HSPA4L: variants seen among roughly 807,000 people sequenced by gnomAD.
The protein encoded by HSPA4L is heat shock protein family A (Hsp70) member 4 like.
A neutral mutation model predicts 100.3 loss-of-function variants in HSPA4L; 48 were observed. The ratio of observed to expected loss-of-function variants is 0.48; its 90% CI spans 0.38 to 0.61. HSPA4L has a LOEUF of 0.61. HSPA4L is among the 20% of genes least tolerant of loss of function. The pLI is 0.00. For missense variants in HSPA4L, 886 were observed against 988.6 expected (o/e 0.90, Z 1.39); for synonymous variants, 319 against 328.2 (o/e 0.97, Z 0.30).
At chr4:127,827,797 G>A (rs114859421) in intron 17 of HSPA4L, among the ~76,000 whole-genome samples, 1 of 151,900 alleles carries the variant, frequency 6.6e-6, no homozygotes, top group African/African-American at 2.4e-5. Context: ...GACTCTGCTA[G>A]CCTTTATTTT....
intron 12 of HSPA4L, chr4:127,813,210 T>G: frequency 8.3e-7 from 1 of 1,207,664 alleles, no homozygotes; most frequent in Admixed American, 1.7e-5. Context: ...TTTTGGCGAA[T>G]TACTGGAAGA....
At position 127,801,120 on chromosome 4, in the gene HSPA4L, G is replaced by A. The variant is rs1390716817; in HGVS notation, c.430-18G>A. 18 of 1,563,166 alleles carry A rather than the reference G, an allele frequency of 1.2e-5. No individual in the cohort carries two copies. The Admixed American group carries it at 3.2e-4, about 27-fold the overall frequency. On this transcript the variant is annotated intron_variant, in intron 4 of 18. Coordinates refer to ENST00000296464, the MANE Select transcript of HSPA4L (RefSeq NM_014278.4). ...TTTACATAAAACATTATACTTAACTGTTGTTTTTAAATACTAGATTCCTAG... is the reference window on the plus strand; with the variant it reads ...TTTACATAAAACATTATACTTAACTATTGTTTTTAAATACTAGATTCCTAG...
rs190271609 is a variant in HSPA4L, at chr4:127,836,458, G to A, written c.*3584G>A. The A allele has an allele frequency of 1.5e-5, 2 of 134,940 alleles. No individual in the cohort carries two copies. Among genetic ancestry groups the A allele is most frequent in the African/African-American group, 5.3e-5 (2 of 38,090 alleles). 8.4% of individuals were successfully genotyped at this position (134,940 alleles called of 1,614,324 possible). On this transcript the variant is annotated 3_prime_UTR_variant, in exon 19 of 19. Transcript: ENST00000296464. ...AATTAAAGGTTTCTTATGCTTTTTT[G>A]GGGGGGGGTGTCAATTTTTAGTATA... is the stretch of plus-strand genomic sequence containing the variant.
At position 127,782,475 on chromosome 4, in the gene HSPA4L, C is replaced by A; in HGVS notation, c.-76C>A. On this transcript the variant is annotated 5_prime_UTR_variant, in exon 1 of 19. Coordinates refer to ENST00000296464, the MANE Select transcript of HSPA4L (RefSeq NM_014278.4). ...CTTCTGGTAGGAGTCGCAATCCCAG[C>A]AGCAATAGCCCAGAAGAGGACACGG... 8.2e-7 allele frequency: 1 copy of A among 1,212,408 alleles called. No individual in the cohort carries two copies. Among genetic ancestry groups the A allele is most frequent in the Non-Finnish European group, 1.2e-6 (1 of 823,116 alleles). 75.1% of individuals were successfully genotyped at this position (1,212,408 alleles called of 1,614,324 possible).
chr4:127,794,118 A>G lies in HSPA4L; in HGVS notation c.149A>G (p.Asn50Ser). 2 of 1,611,256 alleles carry G rather than the reference A, an allele frequency of 1.2e-6. No individual in the cohort carries two copies. The highest frequency in any genetic ancestry group is 2.2e-5 in the East Asian group (1 of 44,700). ...GGATCAAGAACTCGAGCCATTGGAA[A>G]TGCAGCAAAGAGCCAGGTAAATTGT... ...SLGSRTRAIG[N>S]AAKSQIVTNV... The change falls in exon 2 of 19, where the codon AAT becomes AGT. Residue 50 changes from asparagine to serine, a missense_variant. Physicochemically the swap from Asn to Ser is conservative, Grantham distance 46. Transcript: ENST00000296464.
chr4:127,814,438 C>T (rs1267572459), intron 12 of HSPA4L, among the ~76,000 whole-genome samples: 1 of 151,780 alleles, frequency 6.6e-6, no homozygotes. Context: ...AGCCACCATG[C>T]CCAGCCTAAA....
At chr4:127,826,740 T>C (rs1733959677) in intron 16 of HSPA4L, among the ~76,000 whole-genome samples, 1 of 152,178 alleles carries the variant, frequency 6.6e-6, no homozygotes, top group Admixed American at 6.5e-5. Flanking sequence ...TTTATCCTTC[T>C]AATGTGCTCC....
intron 9 of HSPA4L, 67 bp from the exon 10 acceptor site, chr4:127,805,620 C>G: frequency 8.4e-7 from 1 of 1,183,496 alleles, no homozygotes; most frequent in East Asian, 2.4e-5. Context: ...TTAAGCAGTT[C>G]AATCAGAGTA....
At chr4:127,792,850 C>G (rs542754341) in intron 1 of HSPA4L, among the ~76,000 whole-genome samples, 1 of 152,188 alleles carries the variant, frequency 6.6e-6, no homozygotes, top group African/African-American at 2.4e-5. Flanking sequence ...GAGCAGAGAC[C>G]TGAAAGGAGT....
In HSPA4L at chr4:127,835,533, C is replaced by G. The variant is rs1265167873; in HGVS notation, c.*2659C>G. ...CCTGGCCAACATGGTGAAACCCTGT[C>G]TCTACTAAAAATACAAAAAAGTAGC... is the stretch of plus-strand genomic sequence containing the variant. On this transcript the variant is annotated 3_prime_UTR_variant, in exon 19 of 19. Transcript: ENST00000296464. 1 of 151,880 alleles carries G rather than the reference C, an allele frequency of 6.6e-6. No homozygotes were observed. Among genetic ancestry groups the G allele is most frequent in the African/African-American group, 2.4e-5 (1 of 41,316 alleles). 9.4% of individuals were successfully genotyped at this position (151,880 alleles called of 1,614,324 possible). A position where few individuals can be genotyped will look rare whatever the true frequency, so the allele number is the denominator to read the frequency against.
chr4:127,824,302 A>G (rs1325905250), intron 16 of HSPA4L, among the ~76,000 whole-genome samples: 1 of 152,198 alleles, frequency 6.6e-6, no homozygotes, highest in Non-Finnish European at 1.5e-5. Flanking sequence ...TGCAGTGAAC[A>G]TGGAGTTTAG....
Position 127,783,648 on chromosome 4 carries a change from C to T in HSPA4L, c.107+991C>T, listed in dbSNP as rs539423407. On this transcript the variant is annotated intron_variant, in intron 1 of 18. Coordinates refer to ENST00000296464, the MANE Select transcript of HSPA4L (RefSeq NM_014278.4). ...ACTGGTAATTTTATGAGGAAACCAACTGTATGAAACCTATATTACTTTTTA... is the reference window on the plus strand; with the variant it reads ...ACTGGTAATTTTATGAGGAAACCAATTGTATGAAACCTATATTACTTTTTA... The T allele has an allele frequency of 3.2e-4, 494 of 1,535,574 alleles. 2 individuals carry two copies. In the African/African-American group the frequency reaches 6.2e-3, roughly 19 times the overall value.
At chr4:127,811,778 C>CT in intron 12 of HSPA4L, 142 bp downstream of exon 12, 1 of 625,380 alleles carries the variant, frequency 1.6e-6, no homozygotes, top group Non-Finnish European at 2.8e-6. Context: ...TGTATAAAGT[C>CT]TTTTGATAAA....
chr4:127,782,853 T>G (rs1732603504), intron 1 of HSPA4L, among the ~76,000 whole-genome samples, 196 bp downstream of exon 1: 1 of 151,998 alleles, frequency 6.6e-6, no homozygotes, highest in Admixed American at 6.5e-5. Flanking sequence ...CCGCAAAGCT[T>G]CTTTTCCTTC....
chr4:127,800,261 C>T (rs1733137616), intron 4 of HSPA4L, among the ~76,000 whole-genome samples: 1 of 152,022 alleles, frequency 6.6e-6, no homozygotes, highest in South Asian at 2.1e-4. Context: ...AGTTAACAGA[C>T]CAGCCTGGGC....
chr4:127,788,544 G>A (rs977609469), intron 1 of HSPA4L, among the ~76,000 whole-genome samples: 1 of 152,184 alleles, frequency 6.6e-6, no homozygotes, highest in African/African-American at 2.4e-5. Context: ...AGAAAGGGAT[G>A]TTTTTCCCAA....
In HSPA4L at chr4:127,837,961, C is replaced by G. The variant is rs974627413; in HGVS notation, c.*5087C>G. 1 of 152,130 alleles carries G rather than the reference C, an allele frequency of 6.6e-6. No individual in the cohort carries two copies. The highest frequency in any genetic ancestry group is 2.4e-5 in the African/African-American group (1 of 41,410). The allele number at this position is 152,130 out of a possible 1,614,324, so 9.4% of individuals were successfully genotyped here. A position where few individuals can be genotyped will look rare whatever the true frequency, so the allele number is the denominator to read the frequency against. On this transcript the variant is annotated 3_prime_UTR_variant, in exon 19 of 19. Transcript: ENST00000296464. Reference sequence around the variant, plus strand: ...CTGGGATTACAGGAACCCACCACCACGCCCAGCTAATTTTTGTATTTTTAG... The same window carrying G: ...CTGGGATTACAGGAACCCACCACCAGGCCCAGCTAATTTTTGTATTTTTAG...
intron 1 of HSPA4L, among the ~76,000 whole-genome samples, chr4:127,790,510 C>T (rs1402727439): frequency 1.3e-5 from 2 of 152,150 alleles, no homozygotes; most frequent in African/African-American, 4.8e-5. Context: ...CCACTGATTC[C>T]TGCTATACCC....
At chr4:127,814,956 C>T (rs1578712679) in intron 12 of HSPA4L, among the ~76,000 whole-genome samples, 1 of 152,040 alleles carries the variant, frequency 6.6e-6, no homozygotes, top group African/African-American at 2.4e-5. Flanking sequence ...AAGTAGTCTC[C>T]CCTTCCCCTC....
Sources: gnomAD v4.1 joint callset for allele counts (sites outside exome capture counted in the v4.1 genomes callset) on GRCh38, gnomAD v4.1.1 for gene constraint, MANE v1.5 for transcripts, NCBI Gene and HGNC (gene_info 2026-07-23, HGNC 2026-07-21) for gene names.